COL4A4: variants seen among roughly 807,000 people sequenced by gnomAD.
The protein encoded by COL4A4 is collagen type IV alpha 4 chain.
In COL4A4, 105 loss-of-function variants were observed where a neutral mutation model predicts 192.9. That is an observed-to-expected ratio of 0.54 (90% confidence interval 0.46 to 0.64). COL4A4 has a LOEUF of 0.64. Among genes scored for constraint, COL4A4 ranks in the 30% least tolerant of loss-of-function variants. COL4A4 has a pLI of 0.00. For missense variants in COL4A4, 1,967 were observed against 2,169.3 expected (o/e 0.91, Z 1.85); for synonymous variants, 762 against 769.9 (o/e 0.99, Z 0.17).
intron 19 of COL4A4, among the ~76,000 whole-genome samples, chr2:227,095,807 A>G (rs2060179778): frequency 6.6e-6 from 1 of 152,192 alleles, no homozygotes; most frequent in South Asian, 2.1e-4. Flanking sequence ...AGGCAGGAGA[A>G]TCGCTTGAAC....
chr2:226,985,235 C>T, the COL4A4 span, among the ~76,000 whole-genome samples: 1 of 152,188 alleles, frequency 6.6e-6, no homozygotes, highest in Non-Finnish European at 1.5e-5. Flanking sequence ...AAACTATCTA[C>T]ATTCATATCC....
At chr2:227,041,848 G>GAAAAAGAGAGAGAGAGAGAGAA (rs1243663359) in intron 37 of COL4A4, among the ~76,000 whole-genome samples, 2 of 38,692 alleles carry the variant, frequency 5.2e-5, no homozygotes, top group Admixed American at 2.9e-4. Flanking sequence ...AAGAAAGAAA[G>GAAAAAGAGAGAGAGAGAGAGAA]AGAAAGAAAG....
intron 9 of COL4A4, among the ~76,000 whole-genome samples, chr2:227,110,187 C>T (rs991658440): frequency 1.3e-5 from 2 of 152,088 alleles, no homozygotes; most frequent in Non-Finnish European, 2.9e-5. Flanking sequence ...GTTCCCCGGG[C>T]TCCTGCTGAC....
rs969919658 is a variant in COL4A4 at position 227,109,679 on chromosome 2, G to A, written c.595-393C>T. Among the ~76,000 whole-genome samples, 6 of 151,822 alleles carry A rather than the reference G, an allele frequency of 4.0e-5. No homozygotes were observed. In the South Asian group the frequency reaches 6.2e-4, roughly 16 times the overall value. On this transcript the variant is annotated intron_variant, in intron 9 of 47. Transcript: ENST00000396625. ...GGAGAATCGCTTGAACCAGGGAATC[G>A]GAGATTGCAGTGAGCCGAGATTGTG... is the stretch of plus-strand genomic sequence containing the variant.
intron 4 of COL4A4, among the ~76,000 whole-genome samples, chr2:227,130,384 C>T (rs1440415449): frequency 6.6e-6 from 1 of 152,246 alleles, no homozygotes; most frequent in African/African-American, 2.4e-5. Flanking sequence ...TAAAACATGG[C>T]ATCTGCGTCT....
At chr2:227,063,551 T>C (rs1341093728) in intron 25 of COL4A4, among the ~76,000 whole-genome samples, 3 of 152,082 alleles carry the variant, frequency 2.0e-5, no homozygotes, top group Non-Finnish European at 4.4e-5. Flanking sequence ...TAGTTCAAGA[T>C]ATATATATAA....
intron 9 of COL4A4, among the ~76,000 whole-genome samples, 185 bp downstream of exon 9, chr2:227,111,493 C>G (rs1163230791): frequency 6.6e-6 from 1 of 152,094 alleles, no homozygotes; most frequent in African/African-American, 2.4e-5. Context: ...ACACAGGGCC[C>G]CATGCTTCAT....
chr2:227,104,801 C>G (rs892497874), intron 12 of COL4A4, among the ~76,000 whole-genome samples: 1 of 151,054 alleles, frequency 6.6e-6, no homozygotes, highest in East Asian at 2.0e-4. Flanking sequence ...CCACCATGCC[C>G]GGCTAATTTT....
At chr2:227,107,209 C>G (rs2060898181) in intron 12 of COL4A4, among the ~76,000 whole-genome samples, 1 of 152,110 alleles carries the variant, frequency 6.6e-6, no homozygotes, top group South Asian at 2.1e-4. Context: ...TTAGGCAACC[C>G]CTTCCCACAG....
chr2:227,065,332 A>G (rs2058252158), intron 25 of COL4A4, among the ~76,000 whole-genome samples: 1 of 152,252 alleles, frequency 6.6e-6, no homozygotes, highest in Non-Finnish European at 1.5e-5. Flanking sequence ...AGGCTTGATT[A>G]GGTAAACAAA....
the COL4A4 span, among the ~76,000 whole-genome samples, chr2:226,982,198 A>G: frequency 6.6e-6 from 1 of 152,158 alleles, no homozygotes; most frequent in African/African-American, 2.4e-5. Context: ...TGATTTGGTT[A>G]CCTTTGATAC....
In COL4A4 at chr2:227,007,178, A is replaced by C; in HGVS notation, c.*147T>G. The stretch of plus-strand genomic sequence containing the variant: ...ATTTGCTTAATGTGTAAGGAACCAG[A>C]GGACTCTGGGAATAACCACGACAAA... On this transcript the variant is annotated 3_prime_UTR_variant, in exon 48 of 48. Coordinates refer to ENST00000396625, the MANE Select transcript of COL4A4 (RefSeq NM_000092.5). 1.8e-6 allele frequency: 2 copies of C among 1,131,962 alleles called. No individual in the cohort carries two copies. The highest frequency in any genetic ancestry group is 2.7e-6 in the Non-Finnish European group (2 of 746,198). 70.1% of individuals were successfully genotyped at this position (1,131,962 alleles called of 1,614,324 possible).
At chr2:227,068,598 C>G (rs1273220993) in intron 25 of COL4A4, among the ~76,000 whole-genome samples, 1 of 152,146 alleles carries the variant, frequency 6.6e-6, no homozygotes. Context: ...AGCATATAAA[C>G]AGAACCAAAG....
intron 21 of COL4A4, 101 bp downstream of exon 21, chr2:227,089,767 T>C: frequency 2.1e-6 from 2 of 969,428 alleles, no homozygotes; most frequent in South Asian, 2.7e-5. Flanking sequence ...CTAAGGTGAG[T>C]AACAAATCTG....
At chr2:227,068,281 C>T (rs1353808298) in intron 25 of COL4A4, among the ~76,000 whole-genome samples, 1 of 152,110 alleles carries the variant, frequency 6.6e-6, no homozygotes, top group African/African-American at 2.4e-5. Flanking sequence ...CTGAATTCTA[C>T]CAGAGGTACA....
intron 44 of COL4A4, among the ~76,000 whole-genome samples, chr2:227,014,076 G>C (rs1044813302): frequency 6.6e-6 from 1 of 152,184 alleles, no homozygotes; most frequent in Non-Finnish European, 1.5e-5. Context: ...TGCGGCCCCA[G>C]GTGAGGCCCC....
intron 17 of COL4A4, among the ~76,000 whole-genome samples, chr2:227,100,158 T>A (rs2060426355): frequency 6.6e-6 from 1 of 151,330 alleles, no homozygotes; most frequent in African/African-American, 2.4e-5. Context: ...TTGCACATGC[T>A]GAGCAAGTGC....
At chr2:227,105,052 C>T (rs577839305) in intron 12 of COL4A4, among the ~76,000 whole-genome samples, 7 of 151,706 alleles carry the variant, frequency 4.6e-5, no homozygotes, top group Non-Finnish European at 1.0e-4. Flanking sequence ...AAAATATAAT[C>T]AGAATACTAT....
At chr2:227,008,560 C>T (rs1219307635) in intron 46 of COL4A4, among the ~76,000 whole-genome samples, 1 of 152,178 alleles carries the variant, frequency 6.6e-6, no homozygotes, top group African/African-American at 2.4e-5. Context: ...TCTCTGTGTT[C>T]AGGAAGCTCA....
Sources: allele counts gnomAD v4.1 joint callset (sites outside exome capture counted in the v4.1 genomes callset), GRCh38; gene constraint gnomAD v4.1.1; transcripts MANE v1.5; gene names NCBI Gene and HGNC (gene_info 2026-07-23, HGNC 2026-07-21).